Variants in HEATR6 observed in about 807,000 individuals in gnomAD.
HEATR6 encodes the protein HEAT repeat containing 6.
HEATR6 carries 106 observed loss-of-function variants against 132.8 expected under a neutral mutation model. The observed-to-expected ratio is 0.80, with a 90% confidence interval of 0.68 to 0.94. The LOEUF (loss-of-function observed/expected upper bound fraction) is 0.94. HEATR6 is among the 40% of genes least tolerant of loss of function. HEATR6 has a pLI of 0.00. For missense variants in HEATR6, 1,339 were observed against 1,425.1 expected, an observed-to-expected ratio of 0.94 and a Z score of 0.97; for synonymous variants, 529 against 537.8, an observed-to-expected ratio of 0.98 and a Z score of 0.23.
chr17:60,070,938 C>T, intron 5 of HEATR6, 131 bp from the exon 6 acceptor site: 1 of 585,170 alleles, frequency 1.7e-6, no homozygotes, highest in Non-Finnish European at 3.1e-6. Context: ...ATTATAGACA[C>T]ACATATACAC....
At position 60,056,143 on chromosome 17, in the gene HEATR6, T is replaced by A. The variant is rs775055390; in HGVS notation, c.2174A>T (p.Asp725Val). 3 of 1,614,104 alleles carry A rather than the reference T, an allele frequency of 1.9e-6. No homozygotes were observed. The highest frequency in any genetic ancestry group is 1.6e-4 in the Middle Eastern group (1 of 6,062). Residue 725 changes from aspartate to valine, a missense_variant, in exon 13 of 20, where the codon GAT (aspartate) becomes GTT (valine). Asp to Val is a radical substitution (Grantham distance 152). Coordinates refer to ENST00000184956, the MANE Select transcript of HEATR6 (RefSeq NM_022070.5). Reference sequence around the variant, plus strand: ...TGCTCCATGAAGCTGAATGGATGGATCTGCTTCCCCCATGCACTTGCAAAT... The same window carrying A: ...TGCTCCATGAAGCTGAATGGATGGAACTGCTTCCCCCATGCACTTGCAAAT... ...EVICKCMGEA[D>V]PSIQLHGAKL...
rs1029231686 is a variant in HEATR6 at position 60,047,425 on chromosome 17, C to T, written c.2673-20G>A. ...GTTTCCCTGTTCCACCCAAAGCAGA[C>T]AACACATGTTAAAAGGTAAATACAC... On this transcript the variant is annotated intron_variant, in intron 17 of 19. Coordinates refer to ENST00000184956, the MANE Select transcript of HEATR6 (RefSeq NM_022070.5). The T allele has an allele frequency of 1.3e-5, 19 of 1,488,772 alleles. No homozygotes were observed. Among genetic ancestry groups the T allele is most frequent in the Non-Finnish European group, 1.5e-5 (16 of 1,069,734 alleles). 92.2% of individuals were successfully genotyped at this position (1,488,772 alleles called of 1,614,324 possible). A position where few individuals can be genotyped will look rare whatever the true frequency, so the allele number is the denominator to read the frequency against.
chr17:60,060,218 G>T, intron 9 of HEATR6, 122 bp from the exon 10 acceptor site: 1 of 689,564 alleles, frequency 1.5e-6, no homozygotes, highest in Non-Finnish European at 2.4e-6. Context: ...TAAAGGCAAT[G>T]GGATTATCTG....
chr17:60,067,269 CAAA>C (rs11339664), intron 8 of HEATR6, among the ~76,000 whole-genome samples, 162 bp downstream of exon 8: 22 of 61,108 alleles, frequency 3.6e-4, no homozygotes, highest in African/African-American at 8.9e-4. Context: ...GACTCCGTCT[CAAA>C]AAAAAAAAAA....
chr17:60,043,792 A>G lies in HEATR6; in HGVS notation c.3317T>C (p.Ile1106Thr). 1 of 1,614,166 alleles carries G rather than the reference A, an allele frequency of 6.2e-7. No individual in the cohort carries two copies. The highest frequency in any genetic ancestry group is 8.5e-7 in the Non-Finnish European group (1 of 1,180,026). Residue 1106 changes from isoleucine (I) to threonine (T), a missense_variant, in exon 20 of 20, where the codon ATT (isoleucine) becomes ACT (threonine). Transcript: ENST00000184956. The stretch of plus-strand genomic sequence containing the variant: ...TGCTCCTGATTTTAAAAACTGTAGA[A>G]TATAGGACTGGACCATATTCCCACT... ...ELSGNMVQSY[I>T]LQFLKSGAEG...
chr17:60,078,000 C>T lies in HEATR6; in HGVS notation c.219+696G>A, dbSNP rs1335907472. Among the ~76,000 whole-genome samples the T allele has an allele frequency of 2.6e-5, 4 of 152,130 alleles. No individual in the cohort carries two copies. The South Asian group carries it at 8.3e-4, about 31-fold the overall frequency. Reference sequence around the variant, plus strand: ...CATGTGTGTTGGAAGGTGGGATGGACTGGGGACGGGAATGCGTGTTTGGAG... The same window carrying T: ...CATGTGTGTTGGAAGGTGGGATGGATTGGGGACGGGAATGCGTGTTTGGAG... On this transcript the variant is annotated intron_variant, in intron 1 of 19. Transcript: ENST00000184956.
intron 5 of HEATR6, 47 bp from the exon 6 acceptor site, chr17:60,070,854 T>C (rs1233294037): frequency 9.5e-7 from 1 of 1,049,354 alleles, no homozygotes; most frequent in African/African-American, 1.6e-5. Flanking sequence ...TAAAATCTGG[T>C]TGTCCAGGAA....
At chr17:60,069,512 T>C (rs1481402603) in intron 7 of HEATR6, among the ~76,000 whole-genome samples, 199 bp downstream of exon 7, 2 of 152,238 alleles carry the variant, frequency 1.3e-5, no homozygotes, top group Non-Finnish European at 2.9e-5. Flanking sequence ...TTATACTGAC[T>C]ACACCTCTAA....
At chr17:60,069,903 A>C in intron 6 of HEATR6, 55 bp from the exon 7 acceptor site, 1 of 1,589,592 alleles carries the variant, frequency 6.3e-7, no homozygotes. Flanking sequence ...AAAACCATTA[A>C]TCATAAACCA....
Position 60,060,090 on chromosome 17 carries a change from C to T in HEATR6, c.1423G>A (p.Ala475Thr). 6.2e-7 allele frequency: 1 copy of T among 1,613,332 alleles called. No individual in the cohort carries two copies. The highest frequency in any genetic ancestry group is 8.5e-7 in the Non-Finnish European group (1 of 1,179,492). Residue 475 changes from alanine (A) to threonine (T), a missense_variant, in exon 10 of 20, where the codon GCC becomes ACC. Ala to Thr is a moderately conservative substitution (Grantham distance 58). Coordinates refer to ENST00000184956, the MANE Select transcript of HEATR6 (RefSeq NM_022070.5). ...TLKDPSPKTRACALQVLSAIL... is the reference protein window; with the variant it reads ...TLKDPSPKTRTCALQVLSAIL... ...GCAGATAAAACTTGCAGAGCACAGGCACGTGTCTGAAATTTCGGGATGATT... is the reference window on the plus strand; with the variant it reads ...GCAGATAAAACTTGCAGAGCACAGGTACGTGTCTGAAATTTCGGGATGATT...
At position 60,066,201 on chromosome 17, in the gene HEATR6, T is replaced by C; in HGVS notation, c.1416+8A>G. 6.2e-7 allele frequency: 1 copy of C among 1,606,360 alleles called. No individual in the cohort carries two copies. The highest frequency in any genetic ancestry group is 1.3e-5 in the African/African-American group (1 of 74,578). ...CTATTATAAAGCTTAGAGTTTAAAT[T>C]CTCTTACCTTTGGAGAAGGGTCTTT... On this transcript the variant is annotated splice_region_variant and intron_variant, in intron 9 of 19. Transcript: ENST00000184956.
In HEATR6 at chr17:60,043,958, G is replaced by A. The variant is rs753252813; in HGVS notation, c.3151C>T (p.Gln1051Ter). 3 of 1,614,024 alleles carry A rather than the reference G, an allele frequency of 1.9e-6. No homozygotes were observed. Among genetic ancestry groups the A allele is most frequent in the East Asian group, 2.2e-5 (1 of 44,900 alleles). ...RIWNALVTAL[Q>*]KSEDTIDFLE... ...AAGTCTATGGTGTCTTCACTCTTCT[G>A]TAAAGCGGTGACCAATGCATTCCAG... Residue 1051 changes from glutamine to a stop codon, truncating the protein, a stop_gained, in exon 20 of 20, where the codon CAG becomes TAG. Transcript: ENST00000184956. LOFTEE classifies it high-confidence loss of function.
chr17:60,055,659 G>T, intron 13 of HEATR6, 58 bp from the exon 14 acceptor site: 1 of 1,199,572 alleles, frequency 8.3e-7, no homozygotes, highest in Non-Finnish European at 1.2e-6. Flanking sequence ...GACTTCACTT[G>T]AGTAACACCT....
Position 60,078,796 on chromosome 17 carries a change from A to T in HEATR6, c.119T>A (p.Leu40Gln). The change falls in exon 1 of 20, where the codon CTG (leucine) becomes CAG (glutamine). Residue 40 changes from leucine to glutamine, a missense_variant. Coordinates refer to ENST00000184956, the MANE Select transcript of HEATR6 (RefSeq NM_022070.5). Reference protein sequence around the residue: ...FRLLSARLCALRPDDSSSART... With the variant: ...FRLLSARLCAQRPDDSSSART... Reference sequence around the variant, plus strand: ...GGCGGAGCTGCTGTCATCCGGGCGCAGGGCGCAGAGCCTGGCAGACAAGAG... The same window carrying T: ...GGCGGAGCTGCTGTCATCCGGGCGCTGGGCGCAGAGCCTGGCAGACAAGAG... The T allele has an allele frequency of 6.3e-7, 1 of 1,595,634 alleles. No homozygotes were observed. Among genetic ancestry groups the T allele is most frequent in the Non-Finnish European group, 8.5e-7 (1 of 1,171,896 alleles).
Position 60,043,762 on chromosome 17 carries a change from C to A in HEATR6, c.3347G>T (p.Gly1116Val). The stretch of plus-strand genomic sequence containing the variant: ...GCTGTGGGGTGCTCCAGTGTCATCT[C>A]CCTCTGCTCCTGATTTTAAAAACTG... ...ILQFLKSGAE[G>V]DDTGAPHSPQ... The change falls in exon 20 of 20, where the codon GGA becomes GTA. Residue 1116 changes from glycine to valine, a missense_variant. Transcript: ENST00000184956. 1 of 1,614,188 alleles carries A rather than the reference C, an allele frequency of 6.2e-7. No homozygotes were observed. Among genetic ancestry groups the A allele is most frequent in the South Asian group, 1.1e-5 (1 of 91,086 alleles).
intron 19 of HEATR6, 33 bp from the exon 20 acceptor site, chr17:60,044,167 C>T: frequency 4.5e-6 from 7 of 1,547,222 alleles, no homozygotes; most frequent in Non-Finnish European, 4.4e-6. Context: ...AAAACAAATG[C>T]AGGCTTAGAA....
chr17:60,065,639 TTTC>T (rs922982943), intron 9 of HEATR6, among the ~76,000 whole-genome samples: 2 of 152,398 alleles, frequency 1.3e-5, no homozygotes, highest in East Asian at 1.9e-4. Context: ...CAATCATTTT[TTTC>T]TTCTTTTTAA....
chr17:60,044,331 C>T (rs1361219451), intron 19 of HEATR6, among the ~76,000 whole-genome samples, 197 bp from the exon 20 acceptor site: 1 of 152,064 alleles, frequency 6.6e-6, no homozygotes, highest in Non-Finnish European at 1.5e-5. Flanking sequence ...GGTGCCAATC[C>T]CCAAACCTCC....
intron 14 of HEATR6, among the ~76,000 whole-genome samples, chr17:60,053,420 T>C (rs182601065): frequency 6.2e-4 from 95 of 152,178 alleles, no homozygotes; most frequent in African/African-American, 2.1e-3. Flanking sequence ...ATACAGAAAA[T>C]TGGTACCAAG....
Sources: allele counts gnomAD v4.1 joint callset (sites outside exome capture counted in the v4.1 genomes callset), GRCh38; gene constraint gnomAD v4.1.1; transcripts MANE v1.5; gene names NCBI Gene and HGNC (gene_info 2026-07-23, HGNC 2026-07-21).